Variants in PLXDC2 observed in about 807,000 individuals in gnomAD.
PLXDC2 encodes the protein plexin domain-containing protein 2.
Under a neutral mutation model 68.9 loss-of-function variants are expected in PLXDC2, and 40 were observed. The observed-to-expected ratio is 0.58, with a 90% CI of 0.45 to 0.76. PLXDC2 has a LOEUF of 0.76. Among genes scored for constraint, PLXDC2 ranks in the 30% least tolerant of loss-of-function variants. The pLI, the probability that PLXDC2 is intolerant of heterozygous loss-of-function variation, is 0.00. For missense variants in PLXDC2, 644 were observed against 661.9 expected (o/e 0.97, Z 0.30); for synonymous variants, 243 against 234.2 (o/e 1.04, Z -0.34).
rs568610723 is a variant in PLXDC2 at position 20,186,629 on chromosome 10, G to A, written c.1061+9220G>A. ...CCCCTCTTTGTGTTCACGTTTTCTC[G>A]TATTTAGCTCCCATTTATAAATGAA... On this transcript the variant is annotated intron_variant, in intron 9 of 13. Coordinates refer to ENST00000377252, the MANE Select transcript of PLXDC2 (RefSeq NM_032812.9). 3.3e-5 allele frequency among the ~76,000 whole-genome samples: 5 copies of A among 151,868 alleles called. No homozygotes were observed. In the South Asian group the frequency reaches 6.2e-4, roughly 19 times the overall value.
intron 4 of PLXDC2, among the ~76,000 whole-genome samples, chr10:20,124,453 C>A (rs1343968825): frequency 6.6e-6 from 1 of 152,100 alleles, no homozygotes; most frequent in Non-Finnish European, 1.5e-5. Flanking sequence ...GTAGGTGGAT[C>A]TTTCTCACGG....
intron 1 of PLXDC2, among the ~76,000 whole-genome samples, chr10:19,935,146 G>T (rs939698153): frequency 6.6e-6 from 1 of 152,166 alleles, no homozygotes; most frequent in East Asian, 1.9e-4. Flanking sequence ...CACACAACCT[G>T]GTCTGGCCCT....
chr10:19,923,420 G>A (rs1240375189), intron 1 of PLXDC2, among the ~76,000 whole-genome samples: 1 of 152,176 alleles, frequency 6.6e-6, no homozygotes, highest in Non-Finnish European at 1.5e-5. Context: ...AAAGAGTTAT[G>A]TAAGAGTAAA....
At chr10:20,270,151 G>A (rs2681933) in intron 13 of PLXDC2, among the ~76,000 whole-genome samples, 90,201 of 151,856 alleles carry the variant, frequency 0.59, 27,733 homozygotes, top group Middle Eastern at 0.76. Context: ...GAAGACTATT[G>A]GTAGTCTATA....
intron 13 of PLXDC2, among the ~76,000 whole-genome samples, chr10:20,257,664 A>G (rs956986295): frequency 9.2e-5 from 14 of 152,204 alleles, no homozygotes; most frequent in Non-Finnish European, 1.9e-4. Context: ...AGAACTACTC[A>G]TTAACATAAC....
At chr10:19,963,356 C>T (rs1202273888) in intron 1 of PLXDC2, among the ~76,000 whole-genome samples, 1 of 152,152 alleles carries the variant, frequency 6.6e-6, no homozygotes, top group East Asian at 1.9e-4. Flanking sequence ...CCACTGAGAG[C>T]ACTGATTAGA....
chr10:19,949,123 C>CAAAAAAAAAAAAA (rs60138814), intron 1 of PLXDC2, among the ~76,000 whole-genome samples: 3 of 82,914 alleles, frequency 3.6e-5, no homozygotes, highest in East Asian at 3.5e-4. Flanking sequence ...GAGACTTTGT[C>CAAAAAAAAAAAAA]AAAAAAAAAA....
intron 1 of PLXDC2, among the ~76,000 whole-genome samples, chr10:19,852,566 T>C (rs1225245743): frequency 1.3e-5 from 2 of 151,492 alleles, no homozygotes; most frequent in Non-Finnish European, 1.5e-5. Context: ...AAATGGATTC[T>C]AGAAAACAAA....
At chr10:19,817,609 A>G (rs942182980) in intron 1 of PLXDC2, among the ~76,000 whole-genome samples, 1 of 152,230 alleles carries the variant, frequency 6.6e-6, no homozygotes, top group East Asian at 1.9e-4. Context: ...GGACGTTGTG[A>G]AAGCCAGGGA....
intron 4 of PLXDC2, among the ~76,000 whole-genome samples, chr10:20,078,716 C>T (rs1836494519): frequency 8.2e-6 from 1 of 121,948 alleles, no homozygotes; most frequent in Non-Finnish European, 1.6e-5. Flanking sequence ...TTTCAGTCCT[C>T]TTGTAATAAT....
intron 4 of PLXDC2, among the ~76,000 whole-genome samples, chr10:20,099,751 T>C (rs1043702746): frequency 1.1e-4 from 16 of 152,172 alleles, no homozygotes; most frequent in African/African-American, 3.6e-4. Context: ...TAGAGTTGGC[T>C]GAGGGAGTGA....
chr10:19,949,575 TG>T (rs1404929599), intron 1 of PLXDC2, among the ~76,000 whole-genome samples: 1 of 152,210 alleles, frequency 6.6e-6, no homozygotes, highest in Non-Finnish European at 1.5e-5. Flanking sequence ...GAATGGTGCT[TG>T]GTAAATGCAG....
At chr10:20,131,300 C>T (rs1200610473) in intron 4 of PLXDC2, among the ~76,000 whole-genome samples, 1 of 151,856 alleles carries the variant, frequency 6.6e-6, no homozygotes, top group East Asian at 1.9e-4. Context: ...TTATACACTG[C>T]TTCTAGGTTA....
intron 3 of PLXDC2, among the ~76,000 whole-genome samples, chr10:20,057,111 G>A (rs1836012046): frequency 1.3e-5 from 2 of 152,084 alleles, no homozygotes; most frequent in Non-Finnish European, 1.5e-5. Context: ...GAAGACTTAC[G>A]ATGGTTTAAT....
At chr10:20,038,020 G>A (rs7087869) in intron 2 of PLXDC2, among the ~76,000 whole-genome samples, 10,187 of 152,112 alleles carry the variant, frequency 0.067, 661 homozygotes, top group African/African-American at 0.17. Flanking sequence ...TGAGGCGGGC[G>A]GATGACGAGG....
At chr10:20,007,294 C>T (rs1835041971) in intron 2 of PLXDC2, among the ~76,000 whole-genome samples, 1 of 152,220 alleles carries the variant, frequency 6.6e-6, no homozygotes, top group South Asian at 2.1e-4. Context: ...GCTGAAATTA[C>T]TGATGCTTAA....
At chr10:20,230,751 A>AT (rs1483875904) in intron 12 of PLXDC2, among the ~76,000 whole-genome samples, 1 of 144,998 alleles carries the variant, frequency 6.9e-6, no homozygotes, top group Non-Finnish European at 1.5e-5. Context: ...AACCATTATA[A>AT]TTTTTTTAAG....
intron 2 of PLXDC2, among the ~76,000 whole-genome samples, chr10:20,027,431 G>A (rs1284718757): frequency 2.0e-5 from 3 of 152,088 alleles, no homozygotes; most frequent in Non-Finnish European, 4.4e-5. Flanking sequence ...CTTCTACTAT[G>A]TGAGGATGCA....
intron 4 of PLXDC2, among the ~76,000 whole-genome samples, chr10:20,130,673 C>T (rs1324116124): frequency 2.0e-5 from 3 of 151,922 alleles, no homozygotes; most frequent in Non-Finnish European, 2.9e-5. Context: ...TCCATCTATA[C>T]CTAATTTGTT....
Sources: gnomAD v4.1 joint callset for allele counts (sites outside exome capture counted in the v4.1 genomes callset) on GRCh38, gnomAD v4.1.1 for gene constraint, MANE v1.5 for transcripts, NCBI Gene and HGNC (gene_info 2026-07-23, HGNC 2026-07-21) for gene names.